Variants in MYO3B observed in about 807,000 individuals in gnomAD.
MYO3B encodes the protein myosin IIIB, also known as myosin-IIIb.
In MYO3B, 156 loss-of-function variants were observed where a neutral mutation model predicts 174.6. The observed-to-expected ratio is 0.89, with a 90% CI of 0.78 to 1.02. MYO3B has a LOEUF of 1.02. Among genes scored for constraint, MYO3B ranks in the 50% least tolerant of loss-of-function variants. MYO3B has a pLI of 0.00. For missense variants in MYO3B, 1,632 were observed against 1,639.4 expected, an observed-to-expected ratio of 1.00 and a Z score of 0.08; for synonymous variants, 563 against 569.1, an observed-to-expected ratio of 0.99 and a Z score of 0.15.
intron 7 of MYO3B, among the ~76,000 whole-genome samples, chr2:170,253,627 C>T (rs537842178): frequency 4.6e-5 from 7 of 151,946 alleles, no homozygotes; most frequent in Non-Finnish European, 7.4e-5. Context: ...GTAAAGAAGA[C>T]GAGAGCTCCT....
At chr2:170,529,728 GA>G (rs1689230272) in intron 30 of MYO3B, among the ~76,000 whole-genome samples, 1 of 152,228 alleles carries the variant, frequency 6.6e-6, no homozygotes, top group South Asian at 2.1e-4. Context: ...AAAAGTTTGA[GA>G]AAGGAAAATG....
chr2:170,476,400 C>T (rs571345324), intron 25 of MYO3B, among the ~76,000 whole-genome samples: 13 of 152,250 alleles, frequency 8.5e-5, no homozygotes, highest in African/African-American at 2.4e-4. Flanking sequence ...TCTTGTCTTG[C>T]GCCCCAGAAG....
At chr2:170,230,162 GT>G (rs113510120) in intron 6 of MYO3B, among the ~76,000 whole-genome samples, 17 of 137,328 alleles carry the variant, frequency 1.2e-4, no homozygotes, top group Admixed American at 2.2e-4. Context: ...TGGGGACCTA[GT>G]TTTTTTTTTT....
chr2:170,445,114 A>G (rs1448674609), intron 23 of MYO3B, among the ~76,000 whole-genome samples: 2 of 152,236 alleles, frequency 1.3e-5, no homozygotes, highest in African/African-American at 4.8e-5. Context: ...CTCATTTTAC[A>G]CATGTTTCTG....
At chr2:170,645,172 T>C (rs889799008) in intron 32 of MYO3B, among the ~76,000 whole-genome samples, 6 of 152,078 alleles carry the variant, frequency 3.9e-5, no homozygotes, top group Non-Finnish European at 8.8e-5. Flanking sequence ...AAACTCACAT[T>C]CTAATGTGAA....
intron 14 of MYO3B, 96 bp downstream of exon 14, chr2:170,387,404 C>A: frequency 8.9e-7 from 1 of 1,125,812 alleles, no homozygotes; most frequent in Non-Finnish European, 1.3e-6. Context: ...TTGTTCTTAA[C>A]ATTCCCCTAC....
At chr2:170,442,778 T>G (rs2094811348) in intron 22 of MYO3B, among the ~76,000 whole-genome samples, 1 of 152,180 alleles carries the variant, frequency 6.6e-6, no homozygotes, top group Non-Finnish European at 1.5e-5. Flanking sequence ...TTGCGATAGT[T>G]TGCTCAGAAT....
Position 170,383,741 on chromosome 2 carries a change from C to T in MYO3B, c.1217C>T (p.Ala406Val). ...AGACTTTATCATGGGGTGAAACGCG[C>T]CTCCAATCCCCCCCACATATTTGCA... ...FSRLYHGVKR[A>V]SNPPHIFASA... is the part of the protein sequence containing the mutation. The change falls in exon 12 of 35, where the codon GCC (alanine) becomes GTC (valine). Residue 406 changes from alanine to valine, a missense_variant. Ala to Val is a moderately conservative substitution (Grantham distance 64). Transcript: ENST00000408978. 1 of 1,613,652 alleles carries T rather than the reference C, an allele frequency of 6.2e-7. No homozygotes were observed. Among genetic ancestry groups the T allele is most frequent in the South Asian group, 1.1e-5 (1 of 91,070 alleles).
At chr2:170,438,019 A>C (rs1471681982) in intron 22 of MYO3B, among the ~76,000 whole-genome samples, 1 of 152,146 alleles carries the variant, frequency 6.6e-6, no homozygotes, top group Admixed American at 6.5e-5. Context: ...TTTGCACAGC[A>C]GATCTCTAGA....
chr2:170,549,984 G>C (rs1363455318), intron 32 of MYO3B, among the ~76,000 whole-genome samples: 1 of 152,128 alleles, frequency 6.6e-6, no homozygotes, highest in East Asian at 1.9e-4. Flanking sequence ...ATCTCCCTCA[G>C]GAAGGCACGT....
At chr2:170,225,047 T>C (rs1387315542) in intron 6 of MYO3B, among the ~76,000 whole-genome samples, 2 of 152,226 alleles carry the variant, frequency 1.3e-5, no homozygotes, top group Admixed American at 1.3e-4. Flanking sequence ...TACAACACTA[T>C]AGAGTTGAAT....
In MYO3B at chr2:170,276,863, C is replaced by T. The variant is rs188866362; in HGVS notation, c.749+40727C>T. On this transcript the variant is annotated intron_variant, in intron 7 of 34. Coordinates refer to ENST00000408978, the MANE Select transcript of MYO3B (RefSeq NM_138995.5). Reference sequence around the variant, plus strand: ...TTTATAATGTATTTATGTGGATCATCATTCTCATTTCTGGTTTCTATATAG... The same window carrying T: ...TTTATAATGTATTTATGTGGATCATTATTCTCATTTCTGGTTTCTATATAG... Among the ~76,000 whole-genome samples, 47 of 152,242 alleles carry T rather than the reference C, an allele frequency of 3.1e-4. No homozygotes were observed. The South Asian group carries it at 4.1e-3, about 13-fold the overall frequency.
intron 20 of MYO3B, among the ~76,000 whole-genome samples, chr2:170,404,845 A>G (rs2094500458): frequency 6.6e-6 from 1 of 152,144 alleles, no homozygotes. Context: ...CAGCTAGTTT[A>G]GTCTTTCTAA....
chr2:170,632,383 G>C (rs1697071189), intron 32 of MYO3B, among the ~76,000 whole-genome samples: 1 of 152,032 alleles, frequency 6.6e-6, no homozygotes, highest in Admixed American at 6.6e-5. Context: ...TGACTACTGG[G>C]TACATAACGA....
At chr2:170,635,672 T>TTAAAGATCACATTA (rs1234907890) in intron 32 of MYO3B, among the ~76,000 whole-genome samples, 2 of 152,176 alleles carry the variant, frequency 1.3e-5, no homozygotes, top group Non-Finnish European at 2.9e-5. Flanking sequence ...GTAATATCTC[T>TTAAAGATCACATTA]TAAAGATCAC....
At chr2:170,369,099 G>A (rs2094219823) in intron 8 of MYO3B, 123 bp from the exon 9 acceptor site, 6 of 720,582 alleles carry the variant, frequency 8.3e-6, no homozygotes, top group Non-Finnish European at 1.1e-5. Context: ...AGAGAGCTGT[G>A]TATCATTAAC....
intron 8 of MYO3B, among the ~76,000 whole-genome samples, chr2:170,358,810 A>G (rs992097662): frequency 1.3e-5 from 2 of 152,172 alleles, no homozygotes; most frequent in African/African-American, 4.8e-5. Flanking sequence ...AATTCCCTCT[A>G]TATTACTTAA....
chr2:170,529,875 C>A (rs1444118960), intron 30 of MYO3B, among the ~76,000 whole-genome samples: 2 of 152,178 alleles, frequency 1.3e-5, no homozygotes, highest in East Asian at 3.8e-4. Flanking sequence ...TGTACATTTT[C>A]ACAATTTTAT....
In MYO3B at chr2:170,491,676, T is replaced by C. The variant is rs1041562006; in HGVS notation, c.3015-6916T>C. ...TCCTGACCTCGTGATCTGCCCGCCT[T>C]GGCCTCCCAAAGTGCTGGGATTACA... On this transcript the variant is annotated intron_variant, in intron 25 of 34. Transcript: ENST00000408978. Among the ~76,000 whole-genome samples the C allele has an allele frequency of 7.2e-5, 11 of 152,338 alleles. No homozygotes were observed. The South Asian group carries it at 8.3e-4, about 11-fold the overall frequency.
Sources: gnomAD v4.1 joint callset for allele counts (sites outside exome capture counted in the v4.1 genomes callset) on GRCh38, gnomAD v4.1.1 for gene constraint, MANE v1.5 for transcripts, NCBI Gene and HGNC (gene_info 2026-07-23, HGNC 2026-07-21) for gene names.